Variants in LNPEP observed in about 807,000 individuals in gnomAD.
LNPEP encodes the protein leucyl and cystinyl aminopeptidase.
A neutral mutation model predicts 120.6 loss-of-function variants in LNPEP; 64 were observed. The ratio of observed to expected loss-of-function variants is 0.53; its 90% CI spans 0.43 to 0.65. The LOEUF is 0.65. Among genes scored for constraint, LNPEP ranks in the 30% least tolerant of loss-of-function variants. The pLI, the probability that LNPEP is intolerant of heterozygous loss-of-function variation, is 0.00. For missense variants in LNPEP, 1,057 were observed against 1,200.0 expected (o/e 0.88, Z 1.76); for synonymous variants, 435 against 425.4 (o/e 1.02, Z -0.28).
At chr5:96,984,901 A>G (rs1017752785) in intron 2 of LNPEP, among the ~76,000 whole-genome samples, 179 bp from the exon 3 acceptor site, 35 of 152,104 alleles carry the variant, frequency 2.3e-4, no homozygotes, top group Non-Finnish European at 5.9e-5. Context: ...TTTCATTGTT[A>G]GGACATGACT....
At chr5:97,018,963 T>C (rs972927723) in intron 13 of LNPEP, among the ~76,000 whole-genome samples, 6 of 152,206 alleles carry the variant, frequency 3.9e-5, no homozygotes, top group Non-Finnish European at 8.8e-5. Flanking sequence ...AAATCTGTCA[T>C]TCTTTTACAT....
intron 16 of LNPEP, among the ~76,000 whole-genome samples, chr5:97,026,974 G>A (rs1423156190): frequency 6.6e-6 from 1 of 152,128 alleles, no homozygotes; most frequent in Non-Finnish European, 1.5e-5. Context: ...TTCTAATTAA[G>A]CCTAGCCTTG....
intron 9 of LNPEP, among the ~76,000 whole-genome samples, chr5:97,005,786 CTTAG>C (rs1435175525): frequency 2.0e-5 from 3 of 152,042 alleles, no homozygotes; most frequent in African/African-American, 7.2e-5. Context: ...TTAATGAATT[CTTAG>C]TTGGTTGATA....
In LNPEP at chr5:96,992,997, CATA is replaced by C. The variant is rs1291073496; in HGVS notation, c.1132-15_1132-13del. On this transcript the variant is annotated splice_polypyrimidine_tract_variant and intron_variant, in intron 4 of 17. Transcript: ENST00000231368. ...TAATTGTACCTGTCCTTGCATCATA[CATA>C]ATGTTTTCCTTTAGGTTTCTATATA... 4 of 1,556,022 alleles carry C rather than the reference CATA, an allele frequency of 2.6e-6. No homozygotes were observed.
At chr5:96,966,506 A>ATTTTTT (rs1391450470) in intron 1 of LNPEP, among the ~76,000 whole-genome samples, 1 of 114,660 alleles carries the variant, frequency 8.7e-6, no homozygotes, top group African/African-American at 3.3e-5. Flanking sequence ...TCTTACATAT[A>ATTTTTT]TTTGTGTGTG....
intron 3 of LNPEP, 112 bp from the exon 4 acceptor site, chr5:96,986,427 A>C: frequency 3.9e-6 from 4 of 1,026,528 alleles, no homozygotes; most frequent in Non-Finnish European, 5.8e-6. Flanking sequence ...AGGTTATAAT[A>C]TGCTAGCATC....
chr5:96,976,516 G>A (rs114070805), intron 1 of LNPEP, among the ~76,000 whole-genome samples: 5,712 of 152,154 alleles, frequency 0.038, 186 homozygotes, highest in Middle Eastern at 0.11. Context: ...AAAAAACACA[G>A]CAACAAAGTT....
chr5:96,989,622 G>A (rs766923239), intron 4 of LNPEP, among the ~76,000 whole-genome samples: 8 of 151,404 alleles, frequency 5.3e-5, no homozygotes, highest in Admixed American at 2.0e-4. Flanking sequence ...CCTGAGTGCC[G>A]ATTGACTTTT....
intron 11 of LNPEP, chr5:97,010,994 C>T: frequency 1.0e-6 from 1 of 985,264 alleles, no homozygotes; most frequent in Non-Finnish European, 1.2e-6. Context: ...ATCTCGATGA[C>T]AGTAATAATT....
intron 1 of LNPEP, among the ~76,000 whole-genome samples, chr5:96,963,926 G>T (rs1378514146): frequency 6.6e-6 from 1 of 151,964 alleles, no homozygotes; most frequent in African/African-American, 2.4e-5. Flanking sequence ...TAGCCATTTT[G>T]TAATATGCAA....
chr5:97,014,805 T>C (rs1561452736), intron 12 of LNPEP, 134 bp from the exon 13 acceptor site: 1 of 459,166 alleles, frequency 2.2e-6, no homozygotes, highest in Non-Finnish European at 3.7e-6. Flanking sequence ...AGCTTAACTT[T>C]ACAAAATGCC....
At chr5:96,974,691 T>G (rs1395587931) in intron 1 of LNPEP, among the ~76,000 whole-genome samples, 3 of 152,158 alleles carry the variant, frequency 2.0e-5, no homozygotes, top group African/African-American at 7.2e-5. Context: ...CATTTCTTCT[T>G]TGGGCCCCTG....
intron 1 of LNPEP, among the ~76,000 whole-genome samples, chr5:96,952,798 A>G (rs1264679865): frequency 7.7e-6 from 1 of 129,650 alleles, no homozygotes; most frequent in Non-Finnish European, 1.8e-5. Context: ...CAACGAAAAC[A>G]TAATAGAGAC....
At chr5:96,973,537 T>TA (rs1245110540) in intron 1 of LNPEP, among the ~76,000 whole-genome samples, 1 of 152,134 alleles carries the variant, frequency 6.6e-6, no homozygotes, top group African/African-American at 2.4e-5. Flanking sequence ...TACTATTCTC[T>TA]AAAAAATAAC....
intron 1 of LNPEP, among the ~76,000 whole-genome samples, chr5:96,942,017 G>A (rs6887500): frequency 0.4 from 61,250 of 151,860 alleles, 12,431 homozygotes; most frequent in Non-Finnish European, 0.43. Context: ...GGACAGGTAG[G>A]TAGGTCTGGT....
At chr5:96,944,560 C>CTTTTTTTTTTTTTTTTTT (rs60017687) in intron 1 of LNPEP, among the ~76,000 whole-genome samples, 1 of 56,374 alleles carries the variant, frequency 1.8e-5, no homozygotes, top group Non-Finnish European at 3.3e-5. Flanking sequence ...CTTATTTTTG[C>CTTTTTTTTTTTTTTTTTT]TTTTTTTTTT....
intron 13 of LNPEP, among the ~76,000 whole-genome samples, chr5:97,019,820 T>C (rs1047153739): frequency 2.6e-5 from 4 of 152,208 alleles, no homozygotes; most frequent in Admixed American, 2.6e-4. Flanking sequence ...GATTTGAATT[T>C]CTTTTGTTCT....
chr5:96,989,580 T>C (rs1790349416), intron 4 of LNPEP, among the ~76,000 whole-genome samples: 1 of 151,438 alleles, frequency 6.6e-6, no homozygotes, highest in Non-Finnish European at 1.5e-5. Flanking sequence ...AAGAGATCTG[T>C]CAAGAAAAGT....
chr5:96,939,882 A>G (rs1003128668), intron 1 of LNPEP, among the ~76,000 whole-genome samples: 18 of 151,942 alleles, frequency 1.2e-4, no homozygotes, highest in Admixed American at 3.9e-4. Flanking sequence ...TTAAAAAAAA[A>G]TTTTTAGCAT....
Sources: allele counts gnomAD v4.1 joint callset (sites outside exome capture counted in the v4.1 genomes callset), GRCh38; gene constraint gnomAD v4.1.1; transcripts MANE v1.5; gene names NCBI Gene and HGNC (gene_info 2026-07-23, HGNC 2026-07-21).